EXOC6B: variants seen among roughly 807,000 people sequenced by gnomAD.
The protein encoded by EXOC6B is exocyst complex component 6B.
EXOC6B carries 54 observed loss-of-function variants against 113.5 expected under a neutral mutation model. The ratio of observed to expected loss-of-function variants is 0.48; its 90% CI spans 0.38 to 0.60. The LOEUF (loss-of-function observed/expected upper bound fraction) is 0.60, where lower values mean the gene tolerates loss of function less well. Ranked by LOEUF, EXOC6B falls within the 20% of genes least tolerant of loss-of-function variation. The probability of loss-of-function intolerance (pLI) is 0.00; values close to 1 mark genes in which losing one functional copy is unlikely to be tolerated. For synonymous variants in EXOC6B, 357 were observed against 339.0 expected (o/e 1.05, Z -0.58); for missense variants, 797 against 977.5 (o/e 0.82, Z 2.46).
Position 72,187,904 on chromosome 2 carries a change from G to T in EXOC6B, c.2197-3717C>A, listed in dbSNP as rs114847829. Among the ~76,000 whole-genome samples the T allele has an allele frequency of 5.4e-3, 821 of 152,332 alleles. 8 individuals are homozygous for T. The highest frequency in any genetic ancestry group is 0.019 in the African/African-American group (797 of 41,572). ...GGGGTTGGCCCCAACTTTGCTCCGA[G>T]ATTGGAGCAGCACTGACAACAGGGA... On this transcript the variant is annotated intron_variant, in intron 20 of 21. Transcript: ENST00000272427.
chr2:72,505,601 T>G (rs974142282), intron 11 of EXOC6B, among the ~76,000 whole-genome samples: 2 of 152,176 alleles, frequency 1.3e-5, no homozygotes, highest in Admixed American at 6.5e-5. Flanking sequence ...AAATTTTGAT[T>G]GACACTAAAT....
intron 6 of EXOC6B, among the ~76,000 whole-genome samples, chr2:72,701,930 T>C (rs1010064083): frequency 2.0e-5 from 3 of 152,128 alleles, no homozygotes; most frequent in Admixed American, 2.0e-4. Flanking sequence ...TTTTTTTTTT[T>C]TTAATTATAC....
At chr2:72,708,924 TG>T (rs1231254118) in intron 6 of EXOC6B, among the ~76,000 whole-genome samples, 1 of 146,712 alleles carries the variant, frequency 6.8e-6, no homozygotes, top group African/African-American at 2.5e-5. Flanking sequence ...TTTTTTTTTT[TG>T]TAGAGACAAA....
chr2:72,258,936 T>C (rs1188625672), intron 20 of EXOC6B, among the ~76,000 whole-genome samples: 2 of 152,212 alleles, frequency 1.3e-5, no homozygotes, highest in South Asian at 2.1e-4. Flanking sequence ...TTTTACTATA[T>C]TTTATCATAT....
rs1481354574 is a variant in EXOC6B, at chr2:72,335,030, A to G, written c.2123-10T>C. 1 of 1,612,866 alleles carries G rather than the reference A, an allele frequency of 6.2e-7. No homozygotes were observed. On this transcript the variant is annotated splice_polypyrimidine_tract_variant and intron_variant, in intron 19 of 21. Coordinates refer to ENST00000272427, the MANE Select transcript of EXOC6B (RefSeq NM_015189.3). ...CCGGATCTGGCAAACTCTGTGGGAAAGAAAAGAGGATAAAAAGCGCCTTTA... is the reference window on the plus strand; with the variant it reads ...CCGGATCTGGCAAACTCTGTGGGAAGGAAAAGAGGATAAAAAGCGCCTTTA...
intron 1 of EXOC6B, among the ~76,000 whole-genome samples, chr2:72,779,900 G>A (rs569078126): frequency 8.5e-5 from 13 of 152,296 alleles, no homozygotes; most frequent in African/African-American, 2.4e-4. Context: ...TGAAGACAAC[G>A]GAGGGAGAGA....
At chr2:72,557,990 G>A (rs1454332336) in intron 8 of EXOC6B, among the ~76,000 whole-genome samples, 1 of 150,982 alleles carries the variant, frequency 6.6e-6, no homozygotes, top group Non-Finnish European at 1.5e-5. Context: ...TTCTAAATGA[G>A]TATATGTTAC....
At chr2:72,372,275 C>A (rs1468121563) in intron 19 of EXOC6B, among the ~76,000 whole-genome samples, 1 of 152,056 alleles carries the variant, frequency 6.6e-6, no homozygotes, top group African/African-American at 2.4e-5. Flanking sequence ...ATGCAATTCC[C>A]ATCAAAGTAC....
intron 8 of EXOC6B, among the ~76,000 whole-genome samples, chr2:72,537,614 C>G (rs913990225): frequency 6.6e-6 from 1 of 152,042 alleles, no homozygotes; most frequent in African/African-American, 2.4e-5. Context: ...GCCTGGGCAA[C>G]AGAGTGAGAC....
chr2:72,271,416 T>C (rs1160180478), intron 20 of EXOC6B, among the ~76,000 whole-genome samples: 2 of 151,888 alleles, frequency 1.3e-5, no homozygotes, highest in African/African-American at 4.8e-5. Flanking sequence ...TCAAAGTCTG[T>C]CAAATGAGGT....
intron 6 of EXOC6B, among the ~76,000 whole-genome samples, chr2:72,576,613 G>A (rs141093938): frequency 1.4e-3 from 206 of 152,118 alleles, no homozygotes; most frequent in African/African-American, 4.6e-3. Context: ...CCCTCAAAGC[G>A]TGACCAAAAT....
At chr2:72,473,284 G>A (rs567371561) in intron 17 of EXOC6B, among the ~76,000 whole-genome samples, 1 of 152,074 alleles carries the variant, frequency 6.6e-6, no homozygotes, top group Admixed American at 6.5e-5. Context: ...GTGTTAAAGT[G>A]CCACAATTTT....
chr2:72,371,161 C>A (rs1398162780), intron 19 of EXOC6B, among the ~76,000 whole-genome samples: 2 of 151,776 alleles, frequency 1.3e-5, no homozygotes, highest in Admixed American at 6.6e-5. Context: ...ATTTCAGGCC[C>A]TAGAACACAA....
intron 6 of EXOC6B, among the ~76,000 whole-genome samples, chr2:72,627,905 G>C (rs533962024): frequency 6.6e-6 from 1 of 151,834 alleles, no homozygotes; most frequent in Non-Finnish European, 1.5e-5. Context: ...CATTTTTGTT[G>C]TGTTATTTTT....
chr2:72,181,955 C>T (rs1678115000), intron 21 of EXOC6B, among the ~76,000 whole-genome samples: 1 of 152,220 alleles, frequency 6.6e-6, no homozygotes, highest in Non-Finnish European at 1.5e-5. Flanking sequence ...CTTCTTTTCC[C>T]TCAATGTCTT....
At chr2:72,710,104 C>T (rs1391047071) in intron 6 of EXOC6B, among the ~76,000 whole-genome samples, 1 of 152,046 alleles carries the variant, frequency 6.6e-6, no homozygotes, top group Non-Finnish European at 1.5e-5. Context: ...CGGGGTTTCA[C>T]CAGGTGTGAG....
chr2:72,260,645 A>T (rs1050964351), intron 20 of EXOC6B, among the ~76,000 whole-genome samples: 3 of 152,186 alleles, frequency 2.0e-5, no homozygotes, highest in Non-Finnish European at 4.4e-5. Flanking sequence ...AGTAAAAATG[A>T]GCCATCCAGA....
At chr2:72,206,491 G>T (rs932699800) in intron 20 of EXOC6B, among the ~76,000 whole-genome samples, 1 of 152,132 alleles carries the variant, frequency 6.6e-6, no homozygotes, top group Non-Finnish European at 1.5e-5. Flanking sequence ...TGTTCATGGT[G>T]CACAGGAAGC....
At chr2:72,370,207 GAACA>G (rs1309143580) in intron 19 of EXOC6B, among the ~76,000 whole-genome samples, 3 of 152,154 alleles carry the variant, frequency 2.0e-5, no homozygotes, top group African/African-American at 7.2e-5. Context: ...CGAAGGATAT[GAACA>G]GACACTTCTC....
Sources: gnomAD v4.1 joint callset for allele counts (sites outside exome capture counted in the v4.1 genomes callset) on GRCh38, gnomAD v4.1.1 for gene constraint, MANE v1.5 for transcripts, NCBI Gene and HGNC (gene_info 2026-07-23, HGNC 2026-07-21) for gene names.